CES5A: variants seen among roughly 807,000 people sequenced by gnomAD.
The protein encoded by CES5A is carboxylesterase 5.
Under a neutral mutation model 62.9 loss-of-function variants are expected in CES5A, and 67 were observed. The observed-to-expected ratio is 1.07, with a 90% CI of 0.88 to 1.31. The LOEUF is 1.31. CES5A is among the 50% of genes most tolerant of loss of function. The pLI is 0.00. For missense variants in CES5A, 748 were observed against 708.5 expected, an observed-to-expected ratio of 1.06 and a Z score of -0.63; for synonymous variants, 296 against 280.8, an observed-to-expected ratio of 1.05 and a Z score of -0.54.
chr16:55,930,520 T>C lies in CES5A; in HGVS notation c.160+19265A>G, dbSNP rs552003214. Among the ~76,000 whole-genome samples the C allele has an allele frequency of 7.9e-5, 12 of 152,292 alleles. No individual in the cohort carries two copies. The South Asian group carries it at 2.5e-3, about 32-fold the overall frequency. On this transcript the variant is annotated intron_variant, in intron 2 of 13. Transcript: ENST00000521992. ...GTTTGGTTCTGGTTTTTGCACCCCT[T>C]AGCCATGTGATGCCTTGTGCCACCT...
chr16:55,908,395 T>C (rs1190363451), intron 1 of CES5A, among the ~76,000 whole-genome samples: 1 of 152,118 alleles, frequency 6.6e-6, no homozygotes, highest in Non-Finnish European at 1.5e-5. Context: ...GTTTCGCTCT[T>C]GTTGCCCAGG....
exon 2 of CES5A, chr16:55,949,871 A>C (rs2080865425): frequency 6.6e-7 from 1 of 1,524,402 alleles, no homozygotes. Context: ...AACCAGGCAC[A>C]ATCTCCACAT....
chr16:55,869,257 C>G (rs1290422040), intron 4 of CES5A, among the ~76,000 whole-genome samples: 1 of 152,206 alleles, frequency 6.6e-6, no homozygotes, highest in Non-Finnish European at 1.5e-5. Flanking sequence ...TTGCATGATC[C>G]TCCATGCTGT....
intron 8 of CES5A, among the ~76,000 whole-genome samples, chr16:55,857,563 A>G (rs1369522298): frequency 6.6e-6 from 1 of 152,210 alleles, no homozygotes; most frequent in Non-Finnish European, 1.5e-5. Flanking sequence ...ATCCACAAGC[A>G]TATTTTAACT....
intron 1 of CES5A, among the ~76,000 whole-genome samples, chr16:55,924,487 C>A (rs913409388): frequency 4.0e-5 from 6 of 151,836 alleles, no homozygotes; most frequent in African/African-American, 9.7e-5. Flanking sequence ...GTTAAAATGA[C>A]CATACTACCC....
At chr16:55,853,519 G>C (rs1271984168) in intron 9 of CES5A, among the ~76,000 whole-genome samples, 1 of 152,198 alleles carries the variant, frequency 6.6e-6, no homozygotes, top group Non-Finnish European at 1.5e-5. Context: ...CCCTGTTCCT[G>C]GTACCAGTGC....
chr16:55,851,801 G>A (rs1197584184), intron 10 of CES5A, among the ~76,000 whole-genome samples: 1 of 152,144 alleles, frequency 6.6e-6, no homozygotes, highest in Non-Finnish European at 1.5e-5. Flanking sequence ...GTCCATTAAT[G>A]AATAAATGGA....
Position 55,875,347 on chromosome 16 carries a change from G to A in CES5A, c.-126C>T, listed in dbSNP as rs902117273. On this transcript the variant is annotated 5_prime_UTR_variant, in exon 1 of 13. Coordinates refer to ENST00000290567, the MANE Select transcript of CES5A (RefSeq NM_001143685.2). ...TGAATAGGCAGGCAGAGGCAGCAGA[G>A]TTACTGAAGATCAGCATCAGAACAA... 7.4e-5 allele frequency: 110 copies of A among 1,485,412 alleles called. No individual in the cohort carries two copies. Among genetic ancestry groups the A allele is most frequent in the Non-Finnish European group, 9.4e-5 (105 of 1,122,068 alleles). The allele number at this position is 1,485,412 out of a possible 1,614,324, so 92.0% of individuals were successfully genotyped here. A position where few individuals can be genotyped will look rare whatever the true frequency, so the allele number is the denominator to read the frequency against.
chr16:55,950,975 G>C (rs1245516162), intron 1 of CES5A, among the ~76,000 whole-genome samples: 2 of 151,564 alleles, frequency 1.3e-5, no homozygotes, highest in Non-Finnish European at 2.9e-5. Context: ...GGTGGTGGGC[G>C]CCTGTAGTCC....
intron 1 of CES5A, among the ~76,000 whole-genome samples, chr16:55,894,146 A>T (rs1299360042): frequency 6.6e-6 from 1 of 152,176 alleles, no homozygotes; most frequent in South Asian, 2.1e-4. Context: ...TTCAAAAATG[A>T]AGACAAAAAT....
intron 2 of CES5A, among the ~76,000 whole-genome samples, chr16:55,937,595 G>A (rs545272038): frequency 1.2e-4 from 19 of 152,306 alleles, no homozygotes; most frequent in African/African-American, 2.9e-4. Flanking sequence ...AACAGGTGGC[G>A]GATGGCCAAG....
chr16:55,871,838 C>G (rs772960947), intron 2 of CES5A, 75 bp from the exon 3 acceptor site: 17 of 1,530,690 alleles, frequency 1.1e-5, no homozygotes, highest in East Asian at 6.9e-5. Flanking sequence ...GTTCTTCTGA[C>G]AGCGGGGAGG....
intron 10 of CES5A, among the ~76,000 whole-genome samples, chr16:55,850,738 C>A (rs570373722): frequency 6.6e-6 from 1 of 152,182 alleles, no homozygotes; most frequent in East Asian, 1.9e-4. Context: ...TTGAGTATAT[C>A]CCTAGGACTG....
At chr16:55,953,101 G>T (rs1567368720) in intron 1 of CES5A, among the ~76,000 whole-genome samples, 1 of 152,162 alleles carries the variant, frequency 6.6e-6, no homozygotes, top group Non-Finnish European at 1.5e-5. Context: ...TTCCTCACTA[G>T]AGTAAAATCA....
intron 7 of CES5A, among the ~76,000 whole-genome samples, chr16:55,860,108 C>A (rs2033323784): frequency 1.3e-5 from 2 of 152,064 alleles, no homozygotes; most frequent in South Asian, 4.2e-4. Context: ...GTGAATAAAT[C>A]TCATGAGATC....
intron 9 of CES5A, among the ~76,000 whole-genome samples, chr16:55,855,792 T>G (rs1370242873): frequency 1.2e-4 from 18 of 152,144 alleles, no homozygotes; most frequent in Non-Finnish European, 2.4e-4. Context: ...AGGTCGGGGA[T>G]TGTGGATTGG....
chr16:55,876,480 C>A (rs1305221693), upstream of CES5A, among the ~76,000 whole-genome samples: 1 of 152,124 alleles, frequency 6.6e-6, no homozygotes, highest in African/African-American at 2.4e-5. Context: ...CCTTTCTGTA[C>A]AGTGGATTTT....
chr16:55,863,904 G>A (rs2033404301), intron 5 of CES5A, among the ~76,000 whole-genome samples: 4 of 151,658 alleles, frequency 2.6e-5, no homozygotes, highest in South Asian at 2.1e-4. Flanking sequence ...TTACAGGTGC[G>A]CACCACCACG....
At position 55,915,581 on chromosome 16, in the gene CES5A, G is replaced by A. The variant is rs2034140018; in HGVS notation, c.-256+9742C>T. Among the ~76,000 whole-genome samples the A allele has an allele frequency of 3.9e-5, 6 of 152,216 alleles. No individual in the cohort carries two copies. The South Asian group carries it at 1.2e-3, about 32-fold the overall frequency. ...GGAGGGGAGGGCAGGAAGAGGCCTG[G>A]AATATCTGATCATTGTGCTAACAAC... On this transcript the variant is annotated intron_variant, in intron 1 of 12. Transcript: ENST00000518005.
Sources: gnomAD v4.1 joint callset for allele counts (sites outside exome capture counted in the v4.1 genomes callset) on GRCh38, gnomAD v4.1.1 for gene constraint, MANE v1.5 for transcripts, NCBI Gene and HGNC (gene_info 2026-07-23, HGNC 2026-07-21) for gene names.